CALY: variants seen among roughly 807,000 people sequenced by gnomAD.
The protein encoded by CALY is neuron-specific vesicular protein calcyon.
Under a neutral mutation model 20.2 loss-of-function variants are expected in CALY, and 15 were observed. The observed-to-expected ratio is 0.74, with a 90% CI of 0.50 to 1.14. The LOEUF (loss-of-function observed/expected upper bound fraction) is 1.14, where lower values mean the gene tolerates loss of function less well. Among genes scored for constraint, CALY ranks in the 50% most tolerant of loss-of-function variants. The pLI, the probability that CALY is intolerant of heterozygous loss-of-function variation, is 0.00. For synonymous variants in CALY, 129 were observed against 131.8 expected, an observed-to-expected ratio of 0.98 and a Z score of 0.15; for missense variants, 270 against 304.4, an observed-to-expected ratio of 0.89 and a Z score of 0.84.
In CALY at chr10:133,325,203, C is replaced by G. The variant is rs1224328053; in HGVS notation, c.*392G>C. The G allele has an allele frequency of 6.5e-6, 1 of 153,282 alleles. No homozygotes were observed. The highest frequency in any genetic ancestry group is 1.5e-5 in the Non-Finnish European group (1 of 68,744). 9.5% of individuals were successfully genotyped at this position (153,282 alleles called of 1,614,324 possible). Reference sequence around the variant, plus strand: ...CCGGAGCCCCGCCATTAAGGCACATCCCGGTGGGGCTTGGACAAGGCCCGG... The same window carrying G: ...CCGGAGCCCCGCCATTAAGGCACATGCCGGTGGGGCTTGGACAAGGCCCGG... On this transcript the variant is annotated 3_prime_UTR_variant, in exon 6 of 6. Transcript: ENST00000252939.
At position 133,336,406 on chromosome 10, in the gene CALY, C is replaced by T. The variant is rs894825170; in HGVS notation, c.-21+428G>A. 3.4e-5 allele frequency among the ~76,000 whole-genome samples: 5 copies of T among 149,194 alleles called. No individual in the cohort carries two copies. The East Asian group carries it at 1.1e-3, about 31-fold the overall frequency. On this transcript the variant is annotated intron_variant, in intron 1 of 5. Coordinates refer to ENST00000252939, the MANE Select transcript of CALY (RefSeq NM_015722.4). ...GTGCGGGCAGCGGCTCCTCGGTGCTCTGGTCCGACGCCCCTTCTGTCGCCC... is the reference window on the plus strand; with the variant it reads ...GTGCGGGCAGCGGCTCCTCGGTGCTTTGGTCCGACGCCCCTTCTGTCGCCC...
intron 1 of CALY, among the ~76,000 whole-genome samples, chr10:133,331,653 A>G (rs1478508194): frequency 6.6e-6 from 1 of 152,160 alleles, no homozygotes; most frequent in Non-Finnish European, 1.5e-5. Flanking sequence ...CCCCAAGTAA[A>G]TGGGGAAGGC....
rs780990904 is a variant in CALY, at chr10:133,326,133, C to G, written c.361-13G>C. On this transcript the variant is annotated splice_polypyrimidine_tract_variant and intron_variant, in intron 4 of 5. Transcript: ENST00000252939. Reference sequence around the variant, plus strand: ...TGCAGATCTTGTGCTGCGGGAGGGGCCGGGTCAGGGTCGGTGGGGCTGAGC... The same window carrying G: ...TGCAGATCTTGTGCTGCGGGAGGGGGCGGGTCAGGGTCGGTGGGGCTGAGC... The G allele has an allele frequency of 6.3e-7, 1 of 1,591,456 alleles. No individual in the cohort carries two copies. Among genetic ancestry groups the G allele is most frequent in the Non-Finnish European group, 8.6e-7 (1 of 1,165,942 alleles).
At chr10:133,327,299 C>A (rs912760486) in intron 3 of CALY, 1 of 501,140 alleles carries the variant, frequency 2.0e-6, no homozygotes, top group Non-Finnish European at 3.6e-6. Context: ...GCGGTGTGGG[C>A]TCCCAGGGGA....
chr10:133,326,421 A>G, intron 4 of CALY: 4 of 634,032 alleles, frequency 6.3e-6, no homozygotes, highest in Non-Finnish European at 1.1e-5. Flanking sequence ...GGAGTTAAGG[A>G]GAAAAGGAGC....
chr10:133,335,104 C>G (rs1387903875), intron 1 of CALY, among the ~76,000 whole-genome samples: 4 of 150,920 alleles, frequency 2.7e-5, no homozygotes, highest in Non-Finnish European at 4.4e-5. Flanking sequence ...AGCGGAGGGC[C>G]GAGAGGCCGG....
At chr10:133,336,378 C>A (rs1170556736) in intron 1 of CALY, among the ~76,000 whole-genome samples, 1 of 151,998 alleles carries the variant, frequency 6.6e-6, no homozygotes, top group Non-Finnish European at 1.5e-5. Flanking sequence ...ACCCCCAACC[C>A]CCGTGCGGGC....
Position 133,325,893 on chromosome 10 carries a change from C to T in CALY, c.588G>A (p.Ser196=). Residue 196 remains serine, a synonymous_variant, in exon 5 of 6, where the codon TCG becomes TCA. Transcript: ENST00000252939. ...AAATEPPGKP[S]AKAEKEAARK... ...GCGCCGCCTCCTTCTCCGCCTTGGCCGACGGCTTCCCGGGGGGTTCGGTGG... is the reference window on the plus strand; with the variant it reads ...GCGCCGCCTCCTTCTCCGCCTTGGCTGACGGCTTCCCGGGGGGTTCGGTGG... The T allele has an allele frequency of 7.8e-7, 1 of 1,275,816 alleles. No homozygotes were observed. The highest frequency in any genetic ancestry group is 3.1e-5 in the East Asian group (1 of 31,818). 79.0% of individuals were successfully genotyped at this position (1,275,816 alleles called of 1,614,324 possible). A position where few individuals can be genotyped will look rare whatever the true frequency, so the allele number is the denominator to read the frequency against.
At chr10:133,335,335 C>A (rs1309491540) in intron 1 of CALY, among the ~76,000 whole-genome samples, 2 of 152,174 alleles carry the variant, frequency 1.3e-5, no homozygotes, top group Admixed American at 6.5e-5. Context: ...GGCCACGCCC[C>A]GGAGGGCCCG....
At position 133,326,961 on chromosome 10, in the gene CALY, TG is replaced by T; in HGVS notation, c.276del (p.Met93TrpfsTer8). 1 of 1,610,404 alleles carries T rather than the reference TG, an allele frequency of 6.2e-7. No individual in the cohort carries two copies. Among genetic ancestry groups the T allele is most frequent in the African/African-American group, 1.3e-5 (1 of 75,040 alleles). On this transcript the variant is annotated frameshift_variant, in exon 4 of 6. Coordinates refer to ENST00000252939, the MANE Select transcript of CALY (RefSeq NM_015722.4). LOFTEE classifies it high-confidence loss of function. ...ATCAGCACGCAGCCCAGTAGCGCCATGGCGAAGGCGATCATCCGTGCGGTGG... is the reference window on the plus strand; with the variant it reads ...ATCAGCACGCAGCCCAGTAGCGCCATGCGAAGGCGATCATCCGTGCGGTGG... ...RLPTARMIAFAMALLGCVLIM... is the reference protein window; with the variant it reads ...RLPTARMIAFXMALLGCVLIM...
In CALY at chr10:133,328,997, G is replaced by A; in HGVS notation, c.-8C>T. ...GCAGCCCAGCTTCACCATGGTGGAT[G>A]GCAGTCCTTGTCCTGTCCAAAGACA... On this transcript the variant is annotated 5_prime_UTR_variant, in exon 2 of 6. Coordinates refer to ENST00000252939, the MANE Select transcript of CALY (RefSeq NM_015722.4). The A allele has an allele frequency of 1.3e-6, 2 of 1,557,330 alleles. No individual in the cohort carries two copies. Among genetic ancestry groups the A allele is most frequent in the East Asian group, 2.4e-5 (1 of 42,206 alleles).
intron 1 of CALY, 54 bp from the exon 2 acceptor site, chr10:133,329,063 G>A (rs772650466): frequency 2.8e-5 from 40 of 1,432,340 alleles, no homozygotes; most frequent in Non-Finnish European, 3.4e-5. Flanking sequence ...GGATGCCCAC[G>A]CCAGCTGGCT....
In CALY at chr10:133,326,043, C is replaced by T. The variant is rs770779037; in HGVS notation, c.438G>A (p.Ala146=). ...MDPERHRSIL[A]AIGAYPLSRK... The stretch of plus-strand genomic sequence containing the variant: ...GGCTCAGCGGGTAGGCCCCGATGGC[C>T]GCCAGGATGCTGCGGTGGCGCTCGG... Residue 146 remains alanine (A), a synonymous_variant, in exon 5 of 6, where the codon GCG becomes GCA. Coordinates refer to ENST00000252939, the MANE Select transcript of CALY (RefSeq NM_015722.4). 2.2e-5 allele frequency: 35 copies of T among 1,594,780 alleles called. No individual in the cohort carries two copies. The highest frequency in any genetic ancestry group is 3.0e-5 in the Non-Finnish European group (35 of 1,170,940).
intron 1 of CALY, among the ~76,000 whole-genome samples, chr10:133,329,387 TTCTTC>T (rs1000190134): frequency 1.7e-5 from 2 of 119,944 alleles, no homozygotes; most frequent in Admixed American, 9.0e-5. Context: ...CTTCTTCTTC[TTCTTC>T]TTTTTTTTTT....
intron 4 of CALY, chr10:133,326,410 T>C (rs1360682731): frequency 1.1e-5 from 8 of 697,484 alleles, no homozygotes; most frequent in Non-Finnish European, 2.0e-5. Context: ...GCATAAACCA[T>C]GGAGTTAAGG....
intron 2 of CALY, among the ~76,000 whole-genome samples, chr10:133,328,624 C>T (rs888443230): frequency 9.9e-5 from 15 of 152,206 alleles, no homozygotes; most frequent in Admixed American, 5.9e-4. Context: ...GGAGTCAGTG[C>T]GTGAATTCTC....
intron 2 of CALY, among the ~76,000 whole-genome samples, chr10:133,328,411 C>A (rs958892144): frequency 3.9e-5 from 6 of 152,170 alleles, no homozygotes; most frequent in African/African-American, 1.2e-4. Flanking sequence ...CTGCATGACT[C>A]CCTGGGGGGT....
At chr10:133,326,203 G>T in intron 4 of CALY, 83 bp from the exon 5 acceptor site, 1 of 1,554,734 alleles carries the variant, frequency 6.4e-7, no homozygotes, top group Admixed American at 1.9e-5. Flanking sequence ...TCTGCGGTTG[G>T]GGACACTGCG....
intron 1 of CALY, among the ~76,000 whole-genome samples, chr10:133,333,289 G>A (rs1848342799): frequency 2.5e-5 from 1 of 40,782 alleles, no homozygotes; most frequent in Non-Finnish European, 5.7e-5. Flanking sequence ...AGGATTGAGG[G>A]GGTGGGGGGG....
Sources: gnomAD v4.1 joint callset for allele counts (sites outside exome capture counted in the v4.1 genomes callset) on GRCh38, gnomAD v4.1.1 for gene constraint, MANE v1.5 for transcripts, NCBI Gene and HGNC (gene_info 2026-07-23, HGNC 2026-07-21) for gene names.